SNX18: variants seen among roughly 807,000 people sequenced by gnomAD.
The protein encoded by SNX18 is sorting nexin-18.
In SNX18, 35 loss-of-function variants were observed where a neutral mutation model predicts 48.7. The ratio of observed to expected loss-of-function variants is 0.72; its 90% CI spans 0.55 to 0.95. The LOEUF (loss-of-function observed/expected upper bound fraction) is 0.95, where lower values mean the gene tolerates loss of function less well. Among genes scored for constraint, SNX18 ranks in the 40% least tolerant of loss-of-function variants. SNX18 has a pLI of 0.00. For missense variants in SNX18, 824 were observed against 871.0 expected (o/e 0.95, Z 0.68); for synonymous variants, 492 against 384.7 (o/e 1.28, Z -3.26).
At chr5:54,540,034 G>C (rs1165907969) in intron 1 of SNX18, among the ~76,000 whole-genome samples, 2 of 152,006 alleles carry the variant, frequency 1.3e-5, no homozygotes, top group East Asian at 3.9e-4. Context: ...ACCACACCTG[G>C]CTAAAAATGA....
In SNX18 at chr5:54,544,647, C is replaced by T. The variant is rs866325052; in HGVS notation, c.*1215C>T. The T allele has an allele frequency of 2.4e-5, 3 of 123,246 alleles. No individual in the cohort carries two copies. The highest frequency in any genetic ancestry group is 9.5e-5 in the African/African-American group (3 of 31,628). 7.6% of individuals were successfully genotyped at this position (123,246 alleles called of 1,614,324 possible). A position where few individuals can be genotyped will look rare whatever the true frequency, so the allele number is the denominator to read the frequency against. ...AAGGTATTGATGAGCCCCCCCCCCC[C>T]AGGACATTTAACCTTAAAATTTATT... On this transcript the variant is annotated 3_prime_UTR_variant, in exon 2 of 2. Coordinates refer to ENST00000381410, the MANE Select transcript of SNX18 (RefSeq NM_001102575.2).
the SNX18 span, among the ~76,000 whole-genome samples, chr5:54,563,727 G>A: frequency 6.6e-6 from 1 of 152,066 alleles, no homozygotes; most frequent in Admixed American, 6.6e-5. Flanking sequence ...CTCTAAAGAG[G>A]CCCCTGGAGA....
chr5:54,517,782 G>A lies in SNX18; in HGVS notation c.-171G>A. 1 of 533,290 alleles carries A rather than the reference G, an allele frequency of 1.9e-6. No homozygotes were observed. Among genetic ancestry groups the A allele is most frequent in the Non-Finnish European group, 2.8e-6 (1 of 360,752 alleles). The allele number at this position is 533,290 out of a possible 1,614,324, so 33.0% of individuals were successfully genotyped here. The stretch of plus-strand genomic sequence containing the variant: ...GCAGTCGGCGCTGCGAAGTGGAGGC[G>A]CTGCGAGCGGAGCCGCGCGGAGGGC... On this transcript the variant is annotated 5_prime_UTR_variant, in exon 1 of 2. Transcript: ENST00000381410.
the SNX18 span, among the ~76,000 whole-genome samples, chr5:54,588,162 T>C: frequency 6.6e-6 from 1 of 152,208 alleles, no homozygotes; most frequent in East Asian, 1.9e-4. Flanking sequence ...TTTTTTCATA[T>C]TGACTCTAGG....
chr5:54,584,629 C>A, the SNX18 span, among the ~76,000 whole-genome samples: 2 of 152,058 alleles, frequency 1.3e-5, no homozygotes, highest in Non-Finnish European at 2.9e-5. Flanking sequence ...AAAATATGAA[C>A]AACAACAACA....
At chr5:54,633,095 G>T in the SNX18 span, among the ~76,000 whole-genome samples, 1 of 152,004 alleles carries the variant, frequency 6.6e-6, no homozygotes, top group African/African-American at 2.4e-5. Flanking sequence ...TCTGATATCA[G>T]AATCATTTGG....
At chr5:54,568,255 G>A in the SNX18 span, among the ~76,000 whole-genome samples, 1 of 152,174 alleles carries the variant, frequency 6.6e-6, no homozygotes, top group African/African-American at 2.4e-5. Flanking sequence ...TGAATACTAT[G>A]TCTCTGAAGG....
chr5:54,645,820 C>G, the SNX18 span: 5 of 152,122 alleles, frequency 3.3e-5, no homozygotes, highest in African/African-American at 1.2e-4. Flanking sequence ...TTGTGAACAC[C>G]GGGTTCTGAA....
At chr5:54,623,952 A>T in the SNX18 span, among the ~76,000 whole-genome samples, 1 of 152,220 alleles carries the variant, frequency 6.6e-6, no homozygotes, top group Non-Finnish European at 1.5e-5. Flanking sequence ...GAATTCACTT[A>T]ACCTCAGTTA....
At chr5:54,638,478 GAAT>G in the SNX18 span, among the ~76,000 whole-genome samples, 1 of 152,130 alleles carries the variant, frequency 6.6e-6, no homozygotes. Flanking sequence ...TGAGACAGCT[GAAT>G]AATAGCAGAT....
the SNX18 span, among the ~76,000 whole-genome samples, chr5:54,639,591 T>C: frequency 7.2e-5 from 9 of 124,264 alleles, no homozygotes; most frequent in East Asian, 1.9e-3. Flanking sequence ...GTAAGGACTA[T>C]TTTTAATCTT....
the SNX18 span, among the ~76,000 whole-genome samples, chr5:54,620,331 G>A: frequency 6.6e-6 from 1 of 152,292 alleles, no homozygotes; most frequent in African/African-American, 2.4e-5. Flanking sequence ...AACCTGGAAG[G>A]AGAGTCACAT....
At chr5:54,571,934 TA>T in the SNX18 span, among the ~76,000 whole-genome samples, 1 of 152,226 alleles carries the variant, frequency 6.6e-6, no homozygotes, top group African/African-American at 2.4e-5. Flanking sequence ...CCCTACCATG[TA>T]TCAGTTCTAT....
At chr5:54,642,170 CT>C in the SNX18 span, among the ~76,000 whole-genome samples, 1 of 152,182 alleles carries the variant, frequency 6.6e-6, no homozygotes, top group East Asian at 1.9e-4. Flanking sequence ...AGGCTGGGAA[CT>C]TTTTTGTCCT....
intron 1 of SNX18, among the ~76,000 whole-genome samples, chr5:54,533,702 A>G (rs778581036): frequency 3.3e-5 from 5 of 152,248 alleles, no homozygotes; most frequent in Non-Finnish European, 7.3e-5. Context: ...AGACATGCGA[A>G]GTGCAGAGCA....
At position 54,518,695 on chromosome 5, in the gene SNX18, C is replaced by A; in HGVS notation, c.743C>A (p.Ala248Glu). 1 of 1,577,186 alleles carries A rather than the reference C, an allele frequency of 6.3e-7. No homozygotes were observed. Among genetic ancestry groups the A allele is most frequent in the Non-Finnish European group, 8.6e-7 (1 of 1,162,536 alleles). ...GGGGAGGCCTTCGTGCTGGGGGAGG[C>A]GTCAGGCTTCGTGAAGGACGGGGAC... ...SGGEAFVLGE[A>E]SGFVKDGDKL... Residue 248 changes from alanine (A) to glutamate (E), a missense_variant, in exon 1 of 2, where the codon GCG becomes GAG. Around this residue, in one of 3 missense-constraint regions of SNX18, gnomAD observed 443 missense variants for 503.6 expected, o/e 0.88. Coordinates refer to ENST00000381410, the MANE Select transcript of SNX18 (RefSeq NM_001102575.2).
the SNX18 span, among the ~76,000 whole-genome samples, chr5:54,620,083 A>G: frequency 6.6e-6 from 1 of 152,124 alleles, no homozygotes; most frequent in Non-Finnish European, 1.5e-5. Flanking sequence ...ACTTTCCTTT[A>G]ACAATGGTTT....
the SNX18 span, among the ~76,000 whole-genome samples, chr5:54,593,549 T>C: frequency 1.3e-5 from 2 of 152,228 alleles, no homozygotes; most frequent in Non-Finnish European, 2.9e-5. Flanking sequence ...GATCATGTTC[T>C]AAAGTGTATA....
the SNX18 span, among the ~76,000 whole-genome samples, chr5:54,588,306 C>CTTTTTTT: frequency 4.7e-4 from 35 of 73,916 alleles, 2 homozygotes; most frequent in East Asian, 2.4e-3. Context: ...TATTTCTATT[C>CTTTTTTT]TTTTTTTTTT....
Sources: allele counts gnomAD v4.1 joint callset (sites outside exome capture counted in the v4.1 genomes callset), GRCh38; gene constraint gnomAD v4.1.1; regional missense constraint gnomAD v4.1.1; transcripts MANE v1.5; gene names NCBI Gene and HGNC (gene_info 2026-07-23, HGNC 2026-07-21).